Variants in DMD observed in about 807,000 individuals in gnomAD.
The protein encoded by DMD is mutant dystrophin.
In DMD, 63 loss-of-function variants were observed where a neutral mutation model predicts 330.1. That is an observed-to-expected ratio of 0.19 (90% CI 0.16 to 0.24). DMD has a LOEUF of 0.24. Among genes scored for constraint, DMD ranks in the 10% least tolerant of loss-of-function variants. The pLI is 1.00. For synonymous variants in DMD, 1,223 were observed against 959.8 expected, an observed-to-expected ratio of 1.27 and a Z score of -5.07; for missense variants, 3,344 against 2,684.1, an observed-to-expected ratio of 1.25 and a Z score of -5.43.
chrX:31,810,244 T>G (rs973942718), intron 50 of DMD, among the ~76,000 whole-genome samples: 1 of 110,420 alleles, frequency 9.1e-6, no homozygotes, highest in Non-Finnish European at 1.9e-5. Flanking sequence ...AAAAATAGTA[T>G]GGAAAACACT....
chrX:33,232,819 C>A (rs1465643799), intron 1 of DMD, among the ~76,000 whole-genome samples: 4 of 111,250 alleles, frequency 3.6e-5, no homozygotes, highest in African/African-American at 6.5e-5. Flanking sequence ...TTAAACCCAG[C>A]AGGTGGAGGC....
chrX:31,558,461 A>G (rs2074985959), intron 55 of DMD, among the ~76,000 whole-genome samples: 1 of 111,051 alleles, frequency 9.0e-6, no homozygotes, highest in South Asian at 3.9e-4. Flanking sequence ...GGGATTTCAA[A>G]ATTCTAAAAA....
chrX:33,115,368 AT>A (rs911074290), intron 1 of DMD, among the ~76,000 whole-genome samples: 9 of 108,808 alleles, frequency 8.3e-5, no homozygotes, highest in Admixed American at 2.0e-4. Context: ...CAAGGGGATA[AT>A]TTTTTTTTTC....
intron 1 of DMD, among the ~76,000 whole-genome samples, chrX:33,190,557 G>A (rs1459802553): frequency 1.4e-4 from 2 of 13,796 alleles, no homozygotes; most frequent in African/African-American, 2.2e-4. Flanking sequence ...GCGCAATCTC[G>A]GCTCACTGCA....
At chrX:32,081,644 C>T (rs1603624360) in intron 44 of DMD, among the ~76,000 whole-genome samples, 1 of 111,273 alleles carries the variant, frequency 9.0e-6, no homozygotes, top group Non-Finnish European at 1.9e-5. Context: ...CACCTGAGGT[C>T]GGGTGTTTGA....
chrX:31,971,287 T>C (rs2095396970), intron 44 of DMD, among the ~76,000 whole-genome samples: 1 of 112,193 alleles, frequency 8.9e-6, no homozygotes, highest in Non-Finnish European at 1.9e-5. Flanking sequence ...GCCTCTTTGC[T>C]TTGTAGTTTT....
At chrX:32,206,746 G>T in intron 44 of DMD, 1 of 463,134 alleles carries the variant, frequency 2.2e-6, no homozygotes, top group Non-Finnish European at 4.0e-6. Flanking sequence ...TAAGAAAATA[G>T]TTTAAACAAT....
intron 1 of DMD, among the ~76,000 whole-genome samples, chrX:33,197,857 G>T (rs768628045): frequency 3.6e-5 from 4 of 111,094 alleles, no homozygotes; most frequent in African/African-American, 1.3e-4. Flanking sequence ...TACTTGAGCT[G>T]TTTCTTGTTT....
At chrX:32,243,285 A>T (rs1457991382) in intron 43 of DMD, among the ~76,000 whole-genome samples, 1 of 111,510 alleles carries the variant, frequency 9.0e-6, no homozygotes, top group Non-Finnish European at 1.9e-5. Context: ...GTACATACCA[A>T]TTAAAGACAG....
At chrX:31,631,615 C>T (rs751323393) in intron 54 of DMD, among the ~76,000 whole-genome samples, 52 of 111,445 alleles carry the variant, frequency 4.7e-4, no homozygotes, top group African/African-American at 1.5e-3. Flanking sequence ...CTGCCCAATC[C>T]TGCTCCCTTT....
chrX:32,752,221 T>C (rs5972658), intron 7 of DMD, among the ~76,000 whole-genome samples: 31,103 of 110,586 alleles, frequency 0.28, 5,802 homozygotes, highest in African/African-American at 0.68. Flanking sequence ...CCACAATCAA[T>C]GCCAGCTCAT....
At chrX:32,708,710 T>A (rs2064911629) in intron 7 of DMD, among the ~76,000 whole-genome samples, 1 of 111,338 alleles carries the variant, frequency 9.0e-6, no homozygotes, top group Non-Finnish European at 1.9e-5. Context: ...TCCTAATTCC[T>A]AAGGAAGAAA....
intron 43 of DMD, among the ~76,000 whole-genome samples, chrX:32,255,166 T>C (rs2097293234): frequency 8.9e-6 from 1 of 112,178 alleles, no homozygotes; most frequent in South Asian, 3.7e-4. Flanking sequence ...CCACGTTTTG[T>C]TTCTCCATTC....
At chrX:32,988,000 A>T (rs780944523) in intron 2 of DMD, among the ~76,000 whole-genome samples, 1 of 109,568 alleles carries the variant, frequency 9.1e-6, no homozygotes, top group Non-Finnish European at 1.9e-5. Flanking sequence ...TATATATATA[A>T]AATCACACAC....
chrX:32,915,820 C>A (rs1457812032), intron 2 of DMD, among the ~76,000 whole-genome samples: 1 of 111,623 alleles, frequency 9.0e-6, no homozygotes, highest in Non-Finnish European at 1.9e-5. Context: ...CTCAGAAATA[C>A]TAAGAACATT....
chrX:32,505,259 C>T (rs1012530420), intron 18 of DMD, among the ~76,000 whole-genome samples: 2 of 112,072 alleles, frequency 1.8e-5, no homozygotes, highest in South Asian at 3.7e-4. Flanking sequence ...AAAATATTTA[C>T]GAAAGACATA....
chrX:32,452,234 G>T (rs1283582915), intron 26 of DMD, among the ~76,000 whole-genome samples: 2 of 103,157 alleles, frequency 1.9e-5, no homozygotes, highest in Non-Finnish European at 4.0e-5. Flanking sequence ...AGTGAGAAAG[G>T]AATTGAGATA....
chrX:32,441,269 C>T lies in DMD; in HGVS notation c.3832G>A (p.Ala1278Thr). The change falls in exon 28 of 79, where the codon GCA becomes ACA. Residue 1278 changes from alanine to threonine, a missense_variant. Ala to Thr is a moderately conservative substitution (Grantham distance 58). Transcript: ENST00000357033. ...TCTACTTCATTTAGCCACTTGTTTG[C>T]TTTCTCCAAGTATGACAATAACTCA... Reference protein sequence around the residue: ...WHELLSYLEKANKWLNEVEFK... With the variant: ...WHELLSYLEKTNKWLNEVEFK... The T allele has an allele frequency of 8.3e-7, 1 of 1,208,975 alleles. No homozygotes were observed. Among genetic ancestry groups the T allele is most frequent in the Non-Finnish European group, 1.1e-6 (1 of 893,245 alleles).
At chrX:32,935,471 C>T (rs949894055) in intron 2 of DMD, among the ~76,000 whole-genome samples, 1 of 111,781 alleles carries the variant, frequency 8.9e-6, no homozygotes, top group African/African-American at 3.3e-5. Flanking sequence ...TTATGATTTT[C>T]TCATATTCTT....
Sources: allele counts gnomAD v4.1 joint callset (sites outside exome capture counted in the v4.1 genomes callset), GRCh38; gene constraint gnomAD v4.1.1; transcripts MANE v1.5; gene names NCBI Gene and HGNC (gene_info 2026-07-23, HGNC 2026-07-21).